The following ASIC2 variants were observed in gnomAD, a reference collection of about 807,000 sequenced individuals.
The protein encoded by ASIC2 is acid-sensing ion channel 2.
A neutral mutation model predicts 57.3 loss-of-function variants in ASIC2; 25 were observed. The observed-to-expected ratio is 0.44, with a 90% CI of 0.32 to 0.61. The LOEUF (loss-of-function observed/expected upper bound fraction) is 0.61, where lower values mean the gene tolerates loss of function less well. Ranked by LOEUF, ASIC2 falls within the 20% of genes least tolerant of loss-of-function variation. The probability of loss-of-function intolerance (pLI) is 0.06; values close to 1 mark genes in which losing one functional copy is unlikely to be tolerated. For synonymous variants in ASIC2, 319 were observed against 307.5 expected (o/e 1.04, Z -0.39); for missense variants, 641 against 738.1 (o/e 0.87, Z 1.52).
chr17:33,632,107 G>T lies in ASIC2; in HGVS notation c.556-520040C>A, dbSNP rs1433584165. Among the ~76,000 whole-genome samples, 5 of 152,236 alleles carry T rather than the reference G, an allele frequency of 3.3e-5. No homozygotes were observed. In the South Asian group the frequency reaches 6.2e-4, roughly 19 times the overall value. On this transcript the variant is annotated intron_variant, in intron 1 of 9. Transcript: ENST00000359872. ...GCCACTTATTAGCTGTGTGACCTGGGAAAATCAACTAACCTCTCTGAGTCT... is the reference window on the plus strand; with the variant it reads ...GCCACTTATTAGCTGTGTGACCTGGTAAAATCAACTAACCTCTCTGAGTCT...
chr17:33,579,286 C>CAA (rs71362894), intron 1 of ASIC2, among the ~76,000 whole-genome samples: 26,438 of 103,308 alleles, frequency 0.26, 3,606 homozygotes, highest in African/African-American at 0.35. Context: ...AACTGTGTCT[C>CAA]AAAAAAAAAA....
At chr17:33,619,998 A>G (rs1905733444) in intron 1 of ASIC2, among the ~76,000 whole-genome samples, 1 of 152,126 alleles carries the variant, frequency 6.6e-6, no homozygotes, top group Non-Finnish European at 1.5e-5. Context: ...ATGTGACTTT[A>G]TTGCTGTAAA....
chr17:33,362,781 T>C (rs1597699626), intron 1 of ASIC2, among the ~76,000 whole-genome samples: 1 of 152,232 alleles, frequency 6.6e-6, no homozygotes, highest in African/African-American at 2.4e-5. Context: ...GCTCTTCAAA[T>C]GTATATGTAT....
At chr17:33,638,141 G>A (rs1249949766) in intron 1 of ASIC2, among the ~76,000 whole-genome samples, 1 of 152,126 alleles carries the variant, frequency 6.6e-6, no homozygotes, top group Non-Finnish European at 1.5e-5. Flanking sequence ...AGGAGTAATT[G>A]GAGAAGTTAC....
intron 1 of ASIC2, among the ~76,000 whole-genome samples, chr17:33,856,769 T>C (rs1913966783): frequency 6.6e-6 from 1 of 152,096 alleles, no homozygotes; most frequent in African/African-American, 2.4e-5. Context: ...AACAAAGTCC[T>C]AGAGGCCTGA....
chr17:33,777,095 A>G (rs1300471430), intron 1 of ASIC2, among the ~76,000 whole-genome samples: 1 of 152,140 alleles, frequency 6.6e-6, no homozygotes, highest in Admixed American at 6.5e-5. Context: ...CCTCTTGGGC[A>G]TGGCATCCAC....
intron 1 of ASIC2, among the ~76,000 whole-genome samples, chr17:33,991,361 A>T (rs1288554730): frequency 6.6e-6 from 1 of 152,144 alleles, no homozygotes; most frequent in Non-Finnish European, 1.5e-5. Flanking sequence ...AGTGCCAGGG[A>T]TCCTGACTCC....
intron 3 of ASIC2, among the ~76,000 whole-genome samples, chr17:33,046,852 C>T (rs1351117179): frequency 6.6e-6 from 1 of 152,218 alleles, no homozygotes; most frequent in Non-Finnish European, 1.5e-5. Context: ...CCAGGGAGGC[C>T]GCTGGAGGCC....
At chr17:33,971,968 G>T (rs775520556) in intron 1 of ASIC2, among the ~76,000 whole-genome samples, 4 of 152,098 alleles carry the variant, frequency 2.6e-5, no homozygotes, top group Non-Finnish European at 5.9e-5. Flanking sequence ...CAGGCTCAGC[G>T]TTCTTACAGT....
intron 1 of ASIC2, among the ~76,000 whole-genome samples, chr17:33,690,743 G>GTTTTTTTTTT (rs527881591): frequency 2.4e-5 from 2 of 81,676 alleles, no homozygotes; most frequent in South Asian, 4.4e-4. Context: ...ACTCTTCATT[G>GTTTTTTTTTT]TTTTTTTTTT....
Position 33,164,279 on chromosome 17 carries a change from C to T in ASIC2, c.709-52212G>A, listed in dbSNP as rs540741625. On this transcript the variant is annotated intron_variant, in intron 1 of 9. Transcript: ENST00000225823. Reference sequence around the variant, plus strand: ...ACAGCTGATACAGAGCTCACCTCACCTTTGGCAGAATGACAGTTTCTATAT... The same window carrying T: ...ACAGCTGATACAGAGCTCACCTCACTTTTGGCAGAATGACAGTTTCTATAT... 2.8e-4 allele frequency among the ~76,000 whole-genome samples: 42 copies of T among 152,314 alleles called. 1 individual carries two copies. In the East Asian group the frequency reaches 7.9e-3, roughly 29 times the overall value.
chr17:33,380,526 C>T (rs896259181), intron 1 of ASIC2, among the ~76,000 whole-genome samples: 7 of 152,290 alleles, frequency 4.6e-5, no homozygotes, highest in Admixed American at 2.6e-4. Flanking sequence ...CAACAGCCCA[C>T]GACAGAGACC....
At chr17:34,094,721 T>C (rs1230759448) in intron 1 of ASIC2, among the ~76,000 whole-genome samples, 3 of 152,206 alleles carry the variant, frequency 2.0e-5, no homozygotes, top group African/African-American at 7.2e-5. Context: ...CTCCACTGAA[T>C]CCCCTTTATC....
At chr17:33,214,768 C>T (rs1555582321) in intron 1 of ASIC2, among the ~76,000 whole-genome samples, 1 of 152,170 alleles carries the variant, frequency 6.6e-6, no homozygotes, top group Non-Finnish European at 1.5e-5. Context: ...AACCACAGAG[C>T]TCAAGAAGAA....
intron 1 of ASIC2, among the ~76,000 whole-genome samples, chr17:33,748,942 C>T (rs756055402): frequency 1.3e-5 from 2 of 152,206 alleles, no homozygotes; most frequent in Non-Finnish European, 2.9e-5. Context: ...GCCTTCTTTT[C>T]AAGGGGAACA....
chr17:33,634,531 T>A (rs1210689514), intron 1 of ASIC2, among the ~76,000 whole-genome samples: 2 of 147,844 alleles, frequency 1.4e-5, no homozygotes, highest in East Asian at 3.9e-4. Flanking sequence ...TTTTTTTTTT[T>A]TTGAGACAGA....
chr17:33,019,729 C>G (rs1311750029), intron 7 of ASIC2, among the ~76,000 whole-genome samples: 2 of 152,046 alleles, frequency 1.3e-5, no homozygotes, highest in Non-Finnish European at 2.9e-5. Context: ...CGATGCTGAA[C>G]AAACTCATCC....
intron 1 of ASIC2, among the ~76,000 whole-genome samples, chr17:33,397,756 C>A (rs1910132147): frequency 6.6e-6 from 1 of 152,226 alleles, no homozygotes; most frequent in Non-Finnish European, 1.5e-5. Flanking sequence ...AAGCTCAGGG[C>A]ATAGCTCAAG....
At chr17:33,849,249 G>A (rs1036782053) in intron 1 of ASIC2, among the ~76,000 whole-genome samples, 1 of 152,190 alleles carries the variant, frequency 6.6e-6, no homozygotes, top group African/African-American at 2.4e-5. Context: ...GAAGCACAGA[G>A]GGCCATGAGA....
Sources: gnomAD v4.1 joint callset for allele counts (sites outside exome capture counted in the v4.1 genomes callset) on GRCh38, gnomAD v4.1.1 for gene constraint, MANE v1.5 for transcripts, NCBI Gene and HGNC (gene_info 2026-07-23, HGNC 2026-07-21) for gene names.